DDX52: variants seen among roughly 807,000 people sequenced by gnomAD.
DDX52 encodes DExD-box helicase 52, also known as probable ATP-dependent RNA helicase DDX52.
Under a neutral mutation model 76.1 loss-of-function variants are expected in DDX52, and 59 were observed. That is an observed-to-expected ratio of 0.78 (90% CI 0.63 to 0.96). The LOEUF is 0.96. Among genes scored for constraint, DDX52 ranks in the 40% least tolerant of loss-of-function variants. The probability of loss-of-function intolerance (pLI) is 0.00; values close to 1 mark genes in which losing one functional copy is unlikely to be tolerated. For synonymous variants in DDX52, 231 were observed against 244.1 expected (o/e 0.95, Z 0.50); for missense variants, 707 against 703.9 (o/e 1.00, Z -0.05).
rs529584776 is a variant in DDX52, at chr17:37,613,542, C to A, written c.*754G>T. 1 of 152,186 alleles carries A rather than the reference C, an allele frequency of 6.6e-6. No homozygotes were observed. The highest frequency in any genetic ancestry group is 6.5e-5 in the Admixed American group (1 of 15,286). 9.4% of individuals were successfully genotyped at this position (152,186 alleles called of 1,614,324 possible). A position where few individuals can be genotyped will look rare whatever the true frequency, so the allele number is the denominator to read the frequency against. ...ACATTATGACAGCACTAAGGTATTA[C>A]GTATCCAATACAAGGATACTTAATA... is the stretch of plus-strand genomic sequence containing the variant. On this transcript the variant is annotated 3_prime_UTR_variant, in exon 15 of 15. Coordinates refer to ENST00000617633, the MANE Select transcript of DDX52 (RefSeq NM_007010.5).
In DDX52 at chr17:37,612,860, T is replaced by G. The variant is rs1047379357; in HGVS notation, c.*1436A>C. 1 of 152,214 alleles carries G rather than the reference T, an allele frequency of 6.6e-6. No individual in the cohort carries two copies. Among genetic ancestry groups the G allele is most frequent in the African/African-American group, 2.4e-5 (1 of 41,456 alleles). The allele number at this position is 152,214 out of a possible 1,614,324, so 9.4% of individuals were successfully genotyped here. ...AAGAACTTACTCAAAGTCACACAGC[T>G]GGCAAATGGGTTGCACCAGTATACC... On this transcript the variant is annotated 3_prime_UTR_variant, in exon 15 of 15. Coordinates refer to ENST00000617633, the MANE Select transcript of DDX52 (RefSeq NM_007010.5).
At chr17:37,628,870 G>A (rs1209673738) in intron 5 of DDX52, among the ~76,000 whole-genome samples, 198 bp from the exon 6 acceptor site, 1 of 152,090 alleles carries the variant, frequency 6.6e-6, no homozygotes, top group Non-Finnish European at 1.5e-5. Flanking sequence ...TTCTTCAGGT[G>A]GAATAAACTA....
At position 37,630,086 on chromosome 17, in the gene DDX52, C is replaced by T. The variant is rs112837836; in HGVS notation, c.691G>A (p.Ala231Thr). The T allele has an allele frequency of 3.9e-4, 637 of 1,613,762 alleles. No homozygotes were observed. Among genetic ancestry groups the T allele is most frequent in the Non-Finnish European group, 5.2e-4 (614 of 1,179,902 alleles). ...ATCAGGGCTCTGAAGCCTTTATTTG[C>T]GGGTTGTTTCAGCTGCATTAAAATA... ...IPILMQLKQP[A>T]NKGFRALIIS... Residue 231 changes from alanine to threonine, a missense_variant, in exon 5 of 15, where the codon GCA (alanine) becomes ACA (threonine). By Grantham distance (58) the Ala-to-Thr change is moderately conservative. Coordinates refer to ENST00000617633, the MANE Select transcript of DDX52 (RefSeq NM_007010.5).
At chr17:37,633,218 C>T in intron 3 of DDX52, 70 bp downstream of exon 3, 1 of 1,458,220 alleles carries the variant, frequency 6.9e-7, no homozygotes, top group Non-Finnish European at 9.1e-7. Flanking sequence ...AACAGAATAA[C>T]CCAAATCCAG....
Position 37,628,685 on chromosome 17 carries a change from AG to A in DDX52, c.748-14del. On this transcript the variant is annotated splice_polypyrimidine_tract_variant and intron_variant, in intron 5 of 14. Coordinates refer to ENST00000617633, the MANE Select transcript of DDX52 (RefSeq NM_007010.5). ...ACTCTCTGTGAATCTAAAAAAAAAAAGATTAAAAACATTAGCTGCTAACATA... is the reference window on the plus strand; with the variant it reads ...ACTCTCTGTGAATCTAAAAAAAAAAAATTAAAAACATTAGCTGCTAACATA... The A allele has an allele frequency of 6.6e-7, 1 of 1,524,026 alleles. No individual in the cohort carries two copies. Among genetic ancestry groups the A allele is most frequent in the Non-Finnish European group, 8.9e-7 (1 of 1,118,634 alleles). 94.4% of individuals were successfully genotyped at this position (1,524,026 alleles called of 1,614,324 possible).
At chr17:37,639,796 A>G (rs1486459294) in intron 2 of DDX52, among the ~76,000 whole-genome samples, 1 of 152,010 alleles carries the variant, frequency 6.6e-6, no homozygotes, top group Non-Finnish European at 1.5e-5. Context: ...TCTACGGCCT[A>G]AATACATTTG....
At chr17:37,629,686 T>C (rs964592635) in intron 5 of DDX52, among the ~76,000 whole-genome samples, 1 of 151,958 alleles carries the variant, frequency 6.6e-6, no homozygotes, top group African/African-American at 2.4e-5. Flanking sequence ...AACAAACAAA[T>C]AAATAAATAA....
At chr17:37,637,951 A>G (rs1029054110) in intron 2 of DDX52, among the ~76,000 whole-genome samples, 1 of 152,232 alleles carries the variant, frequency 6.6e-6, no homozygotes, top group African/African-American at 2.4e-5. Flanking sequence ...CTGCTCCCAA[A>G]TCAGCTGCAG....
At chr17:37,631,996 T>C in intron 4 of DDX52, 117 bp downstream of exon 4, 1 of 1,411,498 alleles carries the variant, frequency 7.1e-7, no homozygotes, top group South Asian at 1.2e-5. Context: ...TAAAAGGAAG[T>C]GAAGGATTTT....
At chr17:37,642,855 C>A (rs1408409576) in intron 1 of DDX52, 1 of 160,384 alleles carries the variant, frequency 6.2e-6, no homozygotes, top group Non-Finnish European at 1.4e-5. Context: ...AGGTAAGAGC[C>A]CCCATTTCTT....
intron 6 of DDX52, among the ~76,000 whole-genome samples, chr17:37,627,184 T>C (rs1223348999): frequency 6.6e-6 from 1 of 152,070 alleles, no homozygotes; most frequent in African/African-American, 2.4e-5. Flanking sequence ...CACATGCCAC[T>C]GCACCTGGCT....
At chr17:37,618,260 TCAAA>T in intron 14 of DDX52, 28 bp downstream of exon 14, 2 of 1,546,562 alleles carry the variant, frequency 1.3e-6, no homozygotes, top group Admixed American at 2.1e-5. Context: ...TATGATGGTG[TCAAA>T]CAGCCATTTT....
chr17:37,640,848 G>A (rs1049641992), intron 2 of DDX52, among the ~76,000 whole-genome samples: 2 of 151,950 alleles, frequency 1.3e-5, no homozygotes, highest in Admixed American at 6.6e-5. Flanking sequence ...TTAGCCAGGC[G>A]TGGTGGGGCA....
intron 14 of DDX52, among the ~76,000 whole-genome samples, chr17:37,617,617 A>C (rs2147335375): frequency 6.6e-6 from 1 of 152,360 alleles, no homozygotes; most frequent in East Asian, 1.9e-4. Context: ...GCCTGAGATC[A>C]TATTGAAATC....
chr17:37,614,415 C>T, intron 14 of DDX52, 62 bp from the exon 15 acceptor site: 1 of 1,493,168 alleles, frequency 6.7e-7, no homozygotes, highest in Non-Finnish European at 9.1e-7. Context: ...CTTTCCATAA[C>T]CCTACCACCA....
intron 6 of DDX52, among the ~76,000 whole-genome samples, chr17:37,628,226 C>T (rs1398893437): frequency 2.6e-5 from 4 of 152,122 alleles, no homozygotes; most frequent in South Asian, 2.1e-4. Flanking sequence ...TCCTGTGCAC[C>T]GCAGAATGTT....
intron 2 of DDX52, among the ~76,000 whole-genome samples, chr17:37,634,718 A>T (rs1674829556): frequency 6.6e-6 from 1 of 152,218 alleles, no homozygotes; most frequent in African/African-American, 2.4e-5. Flanking sequence ...TCTATGAAGA[A>T]CACTAGCCAA....
At chr17:37,636,350 A>G (rs2030927246) in intron 2 of DDX52, among the ~76,000 whole-genome samples, 1 of 152,186 alleles carries the variant, frequency 6.6e-6, no homozygotes, top group Admixed American at 6.5e-5. Flanking sequence ...TCCCCGCTGA[A>G]TTACCTTATT....
chr17:37,622,814 C>G (rs1000544868), intron 9 of DDX52, among the ~76,000 whole-genome samples: 1 of 152,128 alleles, frequency 6.6e-6, no homozygotes, highest in Non-Finnish European at 1.5e-5. Flanking sequence ...CCAAATGATT[C>G]TCTTAAGAAT....
Sources: gnomAD v4.1 joint callset for allele counts (sites outside exome capture counted in the v4.1 genomes callset) on GRCh38, gnomAD v4.1.1 for gene constraint, MANE v1.5 for transcripts, NCBI Gene and HGNC (gene_info 2026-07-23, HGNC 2026-07-21) for gene names.